SUPT3H: variants seen among roughly 807,000 people sequenced by gnomAD.
SUPT3H encodes the protein transcription initiation protein SPT3 homolog.
SUPT3H carries 44 observed loss-of-function variants against 44.3 expected under a neutral mutation model. That is an observed-to-expected ratio of 0.99 (90% CI 0.78 to 1.28). The LOEUF is 1.28. Ranked by LOEUF, SUPT3H falls within the 50% of genes most tolerant of loss-of-function variation. The pLI is 0.00. For missense variants in SUPT3H, 380 were observed against 387.1 expected (o/e 0.98, Z 0.15); for synonymous variants, 124 against 125.6 (o/e 0.99, Z 0.09).
At chr6:44,908,730 G>C (rs1238454280) in intron 10 of SUPT3H, among the ~76,000 whole-genome samples, 1 of 152,080 alleles carries the variant, frequency 6.6e-6, no homozygotes, top group East Asian at 1.9e-4. Context: ...CTGTGGAAAG[G>C]TAGGTATATA....
At chr6:45,202,565 C>A (rs1014172653) in intron 2 of SUPT3H, among the ~76,000 whole-genome samples, 5 of 151,932 alleles carry the variant, frequency 3.3e-5, no homozygotes, top group Non-Finnish European at 7.4e-5. Context: ...GTCAAATATC[C>A]CATTTAGAAG....
At chr6:45,346,578 T>TC (rs1263981989) in intron 2 of SUPT3H, among the ~76,000 whole-genome samples, 2 of 151,360 alleles carry the variant, frequency 1.3e-5, no homozygotes, top group Non-Finnish European at 2.9e-5. Context: ...TTTTTTTTTT[T>TC]TTTTCTTGAG....
intron 10 of SUPT3H, among the ~76,000 whole-genome samples, chr6:44,908,519 C>T (rs756882908): frequency 6.6e-6 from 1 of 152,064 alleles, no homozygotes; most frequent in African/African-American, 2.4e-5. Context: ...AGACATACTA[C>T]GCATGAATTC....
At chr6:45,153,866 G>A (rs549957719) in intron 2 of SUPT3H, among the ~76,000 whole-genome samples, 22 of 152,122 alleles carry the variant, frequency 1.4e-4, no homozygotes, top group African/African-American at 3.9e-4. Context: ...TCAGGAGTTC[G>A]AAACCAGCCT....
intron 9 of SUPT3H, among the ~76,000 whole-genome samples, chr6:44,934,834 A>C (rs1438074767): frequency 6.6e-6 from 1 of 152,216 alleles, no homozygotes; most frequent in African/African-American, 2.4e-5. Context: ...CCCAGTTTAC[A>C]GGATTTTGTT....
intron 9 of SUPT3H, among the ~76,000 whole-genome samples, chr6:44,944,205 C>A (rs1772917040): frequency 6.6e-6 from 1 of 151,596 alleles, no homozygotes; most frequent in Non-Finnish European, 1.5e-5. Context: ...TAATAACTCC[C>A]AAGTATACTG....
intron 11 of SUPT3H, among the ~76,000 whole-genome samples, chr6:44,814,384 G>A (rs1011864657): frequency 6.6e-6 from 1 of 152,106 alleles, no homozygotes; most frequent in Non-Finnish European, 1.5e-5. Context: ...AGAGGAGCAG[G>A]TGTCCCTGAG....
At chr6:45,164,129 C>T (rs1226654567) in intron 2 of SUPT3H, among the ~76,000 whole-genome samples, 1 of 152,148 alleles carries the variant, frequency 6.6e-6, no homozygotes, top group East Asian at 1.9e-4. Context: ...GAGATGCCCA[C>T]CAGAGGACAG....
At chr6:44,823,476 C>T (rs147378080), downstream of SUPT3H, among the ~76,000 whole-genome samples, 1 of 152,158 alleles carries the variant, frequency 6.6e-6, no homozygotes, top group Non-Finnish European at 1.5e-5. Context: ...CCCAGGAGAC[C>T]TCATCTCCAC....
intron 10 of SUPT3H, among the ~76,000 whole-genome samples, chr6:44,891,313 C>A (rs1286887297): frequency 1.3e-5 from 2 of 152,048 alleles, no homozygotes; most frequent in East Asian, 1.9e-4. Flanking sequence ...GATACTGGTA[C>A]ACCAATATTC....
intron 10 of SUPT3H, among the ~76,000 whole-genome samples, chr6:44,927,327 A>AT (rs1470590319): frequency 2.0e-5 from 3 of 152,190 alleles, no homozygotes; most frequent in Non-Finnish European, 4.4e-5. Flanking sequence ...TGTAAGTTTT[A>AT]TTCTATTCTT....
At chr6:44,915,420 T>C (rs1767662822) in intron 10 of SUPT3H, among the ~76,000 whole-genome samples, 1 of 152,148 alleles carries the variant, frequency 6.6e-6, no homozygotes, top group Admixed American at 6.6e-5. Flanking sequence ...CCAAAGATCA[T>C]ACTAGTTACC....
chr6:44,905,765 C>T (rs1283138843), intron 10 of SUPT3H, among the ~76,000 whole-genome samples: 2 of 152,164 alleles, frequency 1.3e-5, no homozygotes, highest in Admixed American at 6.5e-5. Context: ...GACTTGGAAC[C>T]TACCCAAATG....
chr6:44,890,774 A>T (rs1191786636), intron 10 of SUPT3H, among the ~76,000 whole-genome samples: 2 of 151,024 alleles, frequency 1.3e-5, no homozygotes, highest in Non-Finnish European at 3.0e-5. Flanking sequence ...TAATAATAAA[A>T]AAAAAAGAAA....
At chr6:44,982,410 A>G (rs1779223132) in intron 6 of SUPT3H, among the ~76,000 whole-genome samples, 1 of 152,122 alleles carries the variant, frequency 6.6e-6, no homozygotes, top group East Asian at 1.9e-4. Flanking sequence ...TTTTTAGTAG[A>G]GACAGTGTTT....
intron 10 of SUPT3H, among the ~76,000 whole-genome samples, chr6:44,882,304 G>C (rs1328712631): frequency 1.6e-4 from 24 of 152,086 alleles, no homozygotes; most frequent in Non-Finnish European, 3.2e-4. Context: ...ATAAATTGCT[G>C]GACACATACA....
intron 2 of SUPT3H, among the ~76,000 whole-genome samples, chr6:45,123,388 T>C (rs76259183): frequency 8.5e-4 from 128 of 151,190 alleles, no homozygotes; most frequent in Admixed American, 2.0e-3. Context: ...TTTTTTTTTT[T>C]CCCCAGATAG....
intron 2 of SUPT3H, among the ~76,000 whole-genome samples, chr6:45,111,164 C>T (rs923350112): frequency 1.3e-5 from 2 of 151,830 alleles, no homozygotes; most frequent in South Asian, 4.2e-4. Flanking sequence ...TCCTGAGTAG[C>T]TGGGATTACA....
intron 2 of SUPT3H, chr6:45,328,871 A>C: frequency 7.4e-7 from 1 of 1,349,764 alleles, no homozygotes; most frequent in Non-Finnish European, 1.1e-6. Context: ...TAGCTTTTCC[A>C]AATAGCATAT....
Sources: allele counts gnomAD v4.1 joint callset (sites outside exome capture counted in the v4.1 genomes callset), GRCh38; gene constraint gnomAD v4.1.1; transcripts MANE v1.5; gene names NCBI Gene and HGNC (gene_info 2026-07-23, HGNC 2026-07-21).